Variants in ARF4 observed in about 807,000 individuals in gnomAD.
ARF4 encodes the protein ARF GTPase 4, also known as ADP-ribosylation factor 4.
Under a neutral mutation model 24.3 loss-of-function variants are expected in ARF4, and 5 were observed. That is an observed-to-expected ratio of 0.21 (90% CI 0.11 to 0.43). The LOEUF (loss-of-function observed/expected upper bound fraction) is 0.43. Among genes scored for constraint, ARF4 ranks in the 20% least tolerant of loss-of-function variants. The probability of loss-of-function intolerance (pLI) is 1.00; values close to 1 mark genes in which losing one functional copy is unlikely to be tolerated. For synonymous variants in ARF4, 62 were observed against 73.5 expected (o/e 0.84, Z 0.80); for missense variants, 107 against 213.0 (o/e 0.50, Z 3.10).
intron 1 of ARF4, among the ~76,000 whole-genome samples, chr3:57,588,653 AGACCAGCCT>A (rs772289081): frequency 1.1e-4 from 16 of 147,170 alleles, no homozygotes; most frequent in Non-Finnish European, 1.6e-4. Context: ...CAGGAGTCAG[AGACCAGCCT>A]GACCAACATG....
At chr3:57,579,683 A>G (rs1257432665) in intron 3 of ARF4, among the ~76,000 whole-genome samples, 1 of 152,080 alleles carries the variant, frequency 6.6e-6, no homozygotes, top group Non-Finnish European at 1.5e-5. Flanking sequence ...TTAAATGACA[A>G]TTTCCTTTGT....
chr3:57,596,171 T>TA (rs2070180177), intron 1 of ARF4, among the ~76,000 whole-genome samples: 1 of 152,040 alleles, frequency 6.6e-6, no homozygotes, highest in African/African-American at 2.4e-5. Context: ...ACACGCCCCC[T>TA]AAAAAGTAGT....
intron 1 of ARF4, among the ~76,000 whole-genome samples, chr3:57,595,424 A>T (rs994696789): frequency 6.6e-5 from 10 of 152,214 alleles, no homozygotes; most frequent in African/African-American, 1.9e-4. Context: ...GCCACTGAAA[A>T]CTTAAATATG....
chr3:57,585,550 G>A (rs1268764623), intron 1 of ARF4, among the ~76,000 whole-genome samples: 3 of 151,992 alleles, frequency 2.0e-5, no homozygotes, highest in Non-Finnish European at 4.4e-5. Context: ...CACCAACATG[G>A]CACATGTATA....
rs1032406324 is a variant in ARF4 at position 57,571,419 on chromosome 3, A to G, written c.*793T>C. On this transcript the variant is annotated 3_prime_UTR_variant, in exon 6 of 6. Coordinates refer to ENST00000303436, the MANE Select transcript of ARF4 (RefSeq NM_001660.4). ...TCCAAATGGGTTATGAAGAAAATGTATTCATCGAATTTGATGAGTTTTCCA... is the reference window on the plus strand; with the variant it reads ...TCCAAATGGGTTATGAAGAAAATGTGTTCATCGAATTTGATGAGTTTTCCA... 1 of 152,762 alleles carries G rather than the reference A, an allele frequency of 6.5e-6. No homozygotes were observed. Among genetic ancestry groups the G allele is most frequent in the East Asian group, 1.9e-4 (1 of 5,190 alleles). 9.5% of individuals were successfully genotyped at this position (152,762 alleles called of 1,614,324 possible).
At chr3:57,594,152 A>C (rs914518818) in intron 1 of ARF4, among the ~76,000 whole-genome samples, 19 of 152,176 alleles carry the variant, frequency 1.2e-4, no homozygotes, top group Non-Finnish European at 8.8e-5. Flanking sequence ...GCTACTGAGG[A>C]GGCAGAGGTT....
In ARF4 at chr3:57,575,816, G is replaced by C. The variant is rs187629256; in HGVS notation, c.331-143C>G. On this transcript the variant is annotated intron_variant, in intron 4 of 5. Transcript: ENST00000303436. The stretch of plus-strand genomic sequence containing the variant: ...CGACACAAAGTTCACTCTTACAACT[G>C]AAGTCTCATATCCTTCAGTTTTTAA... 68 of 893,322 alleles carry C rather than the reference G, an allele frequency of 7.6e-5. No homozygotes were observed. In the African/African-American group the frequency reaches 9.4e-4, roughly 12 times the overall value. 55.3% of individuals were successfully genotyped at this position (893,322 alleles called of 1,614,324 possible).
chr3:57,585,869 C>G (rs2070030392), intron 1 of ARF4, among the ~76,000 whole-genome samples: 2 of 152,012 alleles, frequency 1.3e-5, no homozygotes, highest in South Asian at 4.1e-4. Flanking sequence ...ACCATGTTGG[C>G]CAGGCTGGTC....
chr3:57,584,527 C>G, intron 1 of ARF4, 63 bp from the exon 2 acceptor site: 1 of 1,390,668 alleles, frequency 7.2e-7, no homozygotes, highest in Non-Finnish European at 1.0e-6. Flanking sequence ...AATAATTTTA[C>G]AATAAATTTA....
chr3:57,585,275 TG>T (rs1225326213), intron 1 of ARF4, among the ~76,000 whole-genome samples: 1 of 152,242 alleles, frequency 6.6e-6, no homozygotes, highest in Non-Finnish European at 1.5e-5. Context: ...GAGTAAAATT[TG>T]GGTAACAGAT....
intron 3 of ARF4, among the ~76,000 whole-genome samples, chr3:57,577,797 C>T (rs868358916): frequency 1.3e-5 from 2 of 152,188 alleles, no homozygotes; most frequent in Middle Eastern, 6.8e-3. Flanking sequence ...AATCCCAGCA[C>T]TTTGGGAGGC....
At chr3:57,596,668 G>T (rs2070189015) in intron 1 of ARF4, 1 of 190,952 alleles carries the variant, frequency 5.2e-6, no homozygotes, top group African/African-American at 2.4e-5. Flanking sequence ...GGAAAAGGCT[G>T]GAGTTGCTCT....
rs772444015 is a variant in ARF4 at position 57,583,985 on chromosome 3, T to G, written c.171A>C (p.Glu57Asp). The change falls in exon 3 of 6, where the codon GAA becomes GAC. Residue 57 changes from glutamate (E) to aspartate (D), a missense_variant. Coordinates refer to ENST00000303436, the MANE Select transcript of ARF4 (RefSeq NM_001660.4). The stretch of plus-strand genomic sequence containing the variant: ...ATACTGTGAAACAAATGTTCTTATA[T>G]TCTACTGTTTCCACATTAAAACCTA... ...PTIGFNVETV[E>D]YKNICFTVWD... 2 of 1,611,724 alleles carry G rather than the reference T, an allele frequency of 1.2e-6. No homozygotes were observed. Among genetic ancestry groups the G allele is most frequent in the Admixed American group, 1.7e-5 (1 of 59,958 alleles).
chr3:57,594,905 A>G (rs2070162929), intron 1 of ARF4, among the ~76,000 whole-genome samples: 5 of 152,192 alleles, frequency 3.3e-5, no homozygotes, highest in Admixed American at 3.3e-4. Context: ...TCATGCACAT[A>G]TCTCCCTCGT....
At chr3:57,576,173 A>C (rs1048269312) in intron 4 of ARF4, among the ~76,000 whole-genome samples, 2 of 152,224 alleles carry the variant, frequency 1.3e-5, no homozygotes, top group Non-Finnish European at 2.9e-5. Context: ...AGTTGTACTG[A>C]TGCATGATGC....
intron 1 of ARF4, among the ~76,000 whole-genome samples, chr3:57,586,953 ACG>A (rs1279044461): frequency 6.6e-6 from 1 of 152,078 alleles, no homozygotes; most frequent in Non-Finnish European, 1.5e-5. Context: ...ACACACACAC[ACG>A]CACACACACA....
At chr3:57,594,597 G>A (rs898867606) in intron 1 of ARF4, among the ~76,000 whole-genome samples, 6 of 152,080 alleles carry the variant, frequency 3.9e-5, no homozygotes, top group South Asian at 4.1e-4. Context: ...GCAGGTGTAC[G>A]AATTAAATTT....
chr3:57,587,509 TCTA>T (rs1473091935), intron 1 of ARF4, among the ~76,000 whole-genome samples: 2 of 151,952 alleles, frequency 1.3e-5, no homozygotes, highest in African/African-American at 2.4e-5. Context: ...TCCTTGCTCC[TCTA>T]CTGATAGGAA....
chr3:57,594,657 A>G (rs1371566535), intron 1 of ARF4, among the ~76,000 whole-genome samples: 1 of 152,236 alleles, frequency 6.6e-6, no homozygotes, highest in African/African-American at 2.4e-5. Context: ...GCTAACTGCT[A>G]TCTCCTTTAT....
Sources: allele counts gnomAD v4.1 joint callset (sites outside exome capture counted in the v4.1 genomes callset), GRCh38; gene constraint gnomAD v4.1.1; transcripts MANE v1.5; gene names NCBI Gene and HGNC (gene_info 2026-07-23, HGNC 2026-07-21).